Variants in JMJD1C observed in about 807,000 individuals in gnomAD.
The protein encoded by JMJD1C is jumonji domain containing 1C.
Under a neutral mutation model 245.3 loss-of-function variants are expected in JMJD1C, and 31 were observed. The ratio of observed to expected loss-of-function variants is 0.13; its 90% CI spans 0.09 to 0.17. The LOEUF (loss-of-function observed/expected upper bound fraction) is 0.17, where lower values mean the gene tolerates loss of function less well. JMJD1C is among the 10% of genes least tolerant of loss of function. The pLI, the probability that JMJD1C is intolerant of heterozygous loss-of-function variation, is 1.00. For synonymous variants in JMJD1C, 1,057 were observed against 1,017.4 expected (o/e 1.04, Z -0.74); for missense variants, 2,691 against 3,000.2 (o/e 0.90, Z 2.41).
intron 2 of JMJD1C, among the ~76,000 whole-genome samples, chr10:63,287,554 AAAAG>A (rs1858138882): frequency 6.6e-6 from 1 of 152,242 alleles, no homozygotes; most frequent in African/African-American, 2.4e-5. Context: ...ATGAATGGCT[AAAAG>A]AAATAGAAAT....
intron 2 of JMJD1C, among the ~76,000 whole-genome samples, chr10:63,345,754 A>G (rs1020038949): frequency 2.6e-5 from 4 of 152,178 alleles, no homozygotes; most frequent in African/African-American, 9.7e-5. Flanking sequence ...ACCTGAGTCT[A>G]TGAATTTGCC....
At chr10:63,300,240 T>C (rs923611490) in intron 2 of JMJD1C, among the ~76,000 whole-genome samples, 1 of 152,228 alleles carries the variant, frequency 6.6e-6, no homozygotes, top group Admixed American at 6.5e-5. Context: ...CTATCTCACA[T>C]GAAGCTCTGT....
chr10:63,450,593 T>G (rs754089748), intron 1 of JMJD1C, among the ~76,000 whole-genome samples: 1 of 152,156 alleles, frequency 6.6e-6, no homozygotes, highest in Non-Finnish European at 1.5e-5. Flanking sequence ...ATCATCTCAA[T>G]TGATGCAGAT....
At chr10:63,392,782 G>A (rs1187260504) in intron 1 of JMJD1C, among the ~76,000 whole-genome samples, 33 of 130,756 alleles carry the variant, frequency 2.5e-4, no homozygotes, top group African/African-American at 8.6e-4. Flanking sequence ...CCGAGATCAC[G>A]CCACTGCCCT....
intron 3 of JMJD1C, among the ~76,000 whole-genome samples, chr10:63,247,947 G>A (rs1456585638): frequency 6.6e-6 from 1 of 152,028 alleles, no homozygotes; most frequent in African/African-American, 2.4e-5. Flanking sequence ...GGAAACTATA[G>A]GCCTGGTACA....
intron 3 of JMJD1C, among the ~76,000 whole-genome samples, chr10:63,237,918 C>A (rs1490111474): frequency 6.9e-6 from 1 of 145,930 alleles, no homozygotes; most frequent in Non-Finnish European, 1.5e-5. Context: ...TGCCTGTAAT[C>A]CTAGCACTTT....
intron 18 of JMJD1C, among the ~76,000 whole-genome samples, chr10:63,188,385 G>A (rs1352009590): frequency 6.6e-6 from 1 of 152,130 alleles, no homozygotes; most frequent in Non-Finnish European, 1.5e-5. Flanking sequence ...GATTTTGAAA[G>A]GGATTAGTAA....
chr10:63,352,757 G>A (rs1003650290), intron 2 of JMJD1C, among the ~76,000 whole-genome samples: 1 of 152,054 alleles, frequency 6.6e-6, no homozygotes, highest in African/African-American at 2.4e-5. Context: ...AGAGAGGTTT[G>A]AAATGCATAG....
chr10:63,198,589 G>C lies in JMJD1C; in HGVS notation c.5415C>G (p.Ile1805Met), dbSNP rs1845696153. Residue 1805 changes from isoleucine to methionine, a missense_variant, in exon 12 of 26, where the codon ATC (isoleucine) becomes ATG (methionine). Coordinates refer to ENST00000399262, the MANE Select transcript of JMJD1C (RefSeq NM_032776.3). ...DELDIETSKY[I>M]LDIIGDKFCQ... ...AGAACTTATCACCTATTATATCCAAGATATATTTAGAAGTCTCTATATCTA... is the reference window on the plus strand; with the variant it reads ...AGAACTTATCACCTATTATATCCAACATATATTTAGAAGTCTCTATATCTA... 1 of 1,609,498 alleles carries C rather than the reference G, an allele frequency of 6.2e-7. No individual in the cohort carries two copies. The highest frequency in any genetic ancestry group is 8.5e-7 in the Non-Finnish European group (1 of 1,176,678).
chr10:63,207,899 G>C lies in JMJD1C; in HGVS notation c.3770C>G (p.Pro1257Arg), dbSNP rs766133893. 3.7e-6 allele frequency: 6 copies of C among 1,614,068 alleles called. No homozygotes were observed. The highest frequency in any genetic ancestry group is 5.1e-6 in the Non-Finnish European group (6 of 1,180,002). The change falls in exon 10 of 26, where the codon CCA becomes CGA. Residue 1257 changes from proline to arginine, a missense_variant. Physicochemically the swap from Pro to Arg is moderately radical, Grantham distance 103. Coordinates refer to ENST00000399262, the MANE Select transcript of JMJD1C (RefSeq NM_032776.3). ...CTTAAAATTTGCCTGGGAGTCTTTT[G>C]GTTCGGGTATTAGAGTTGGAGGCTT... ...SQKPPTLIPE[P>R]KDSQANFKSS...
chr10:63,493,003 T>A (rs1438832146), intron 1 of JMJD1C, among the ~76,000 whole-genome samples: 1 of 152,136 alleles, frequency 6.6e-6, no homozygotes, highest in East Asian at 1.9e-4. Context: ...AAGTGTTAGC[T>A]TAAGGGGGAG....
intron 2 of JMJD1C, among the ~76,000 whole-genome samples, chr10:63,357,838 C>G (rs1016725536): frequency 7.0e-6 from 1 of 142,610 alleles, no homozygotes; most frequent in Non-Finnish European, 1.5e-5. Flanking sequence ...CACACACACA[C>G]ACACACACAC....
Position 63,217,325 on chromosome 10 carries a change from T to C in JMJD1C, c.560A>G (p.Tyr187Cys). Reference sequence around the variant, plus strand: ...TCTCACTCTGTATCCATTTAAGGAATAAGGACCTTAAAAAAAACACAAGAA... The same window carrying C: ...TCTCACTCTGTATCCATTTAAGGAACAAGGACCTTAAAAAAAACACAAGAA... Reference protein sequence around the residue: ...KVQEIFMQGPYSLNGYRVRVY... With the variant: ...KVQEIFMQGPCSLNGYRVRVY... The change falls in exon 5 of 26, where the codon TAT becomes TGT. Residue 187 changes from tyrosine to cysteine, a missense_variant. By Grantham distance (194) the Tyr-to-Cys change is radical (BLOSUM62 -2). Around this residue, in one of 9 missense-constraint regions of JMJD1C, gnomAD observed 172 missense variants for 240.8 expected, o/e 0.71. Coordinates refer to ENST00000399262, the MANE Select transcript of JMJD1C (RefSeq NM_032776.3). 6.4e-7 allele frequency: 1 copy of C among 1,570,620 alleles called. No individual in the cohort carries two copies.
At chr10:63,187,747 G>T (rs908069192) in intron 18 of JMJD1C, among the ~76,000 whole-genome samples, 2 of 152,168 alleles carry the variant, frequency 1.3e-5, no homozygotes, top group African/African-American at 4.8e-5. Flanking sequence ...GGCCTGTAAA[G>T]CTTTCTGATT....
intron 2 of JMJD1C, among the ~76,000 whole-genome samples, chr10:63,313,612 T>G (rs1418065959): frequency 1.3e-5 from 2 of 152,246 alleles, no homozygotes; most frequent in African/African-American, 4.8e-5. Flanking sequence ...CCATTATTTT[T>G]TGACTTTTTA....
intron 1 of JMJD1C, among the ~76,000 whole-genome samples, chr10:63,481,403 G>A (rs1296707210): frequency 6.6e-6 from 1 of 151,708 alleles, no homozygotes; most frequent in Non-Finnish European, 1.5e-5. Flanking sequence ...TTAAAATAGT[G>A]GACACATTTC....
intron 19 of JMJD1C, 83 bp from the exon 20 acceptor site, chr10:63,185,736 T>C: frequency 1.3e-6 from 1 of 795,532 alleles, no homozygotes; most frequent in East Asian, 2.4e-5. Flanking sequence ...CGTAAATGAA[T>C]GAATGATTTG....
chr10:63,475,798 C>T (rs746345013), intron 1 of JMJD1C, among the ~76,000 whole-genome samples: 3 of 152,108 alleles, frequency 2.0e-5, no homozygotes, highest in Non-Finnish European at 4.4e-5. Flanking sequence ...AGAGAGAGAC[C>T]CTCTCTGAAG....
intron 2 of JMJD1C, among the ~76,000 whole-genome samples, chr10:63,331,865 T>C (rs780424480): frequency 6.6e-6 from 1 of 152,004 alleles, no homozygotes; most frequent in Non-Finnish European, 1.5e-5. Flanking sequence ...AAGTGATCCC[T>C]TGCCTCAGCC....
Sources: gnomAD v4.1 joint callset for allele counts (sites outside exome capture counted in the v4.1 genomes callset) on GRCh38, gnomAD v4.1.1 for gene constraint, gnomAD v4.1.1 regional missense constraint, MANE v1.5 for transcripts, NCBI Gene and HGNC (gene_info 2026-07-23, HGNC 2026-07-21) for gene names.